The following PTPRD variants were observed in gnomAD, a reference collection of about 807,000 sequenced individuals.
PTPRD encodes protein tyrosine phosphatase receptor type D.
A neutral mutation model predicts 214.5 loss-of-function variants in PTPRD; 34 were observed. That is an observed-to-expected ratio of 0.16 (90% confidence interval 0.12 to 0.21). PTPRD has a LOEUF of 0.21. Ranked by LOEUF, PTPRD falls within the 10% of genes least tolerant of loss-of-function variation. PTPRD has a pLI of 1.00. For missense variants in PTPRD, 2,545 were observed against 2,398.7 expected, an observed-to-expected ratio of 1.06 and a Z score of -1.27; for synonymous variants, 1,128 against 845.7, an observed-to-expected ratio of 1.33 and a Z score of -5.79.
intron 14 of PTPRD, among the ~76,000 whole-genome samples, chr9:8,545,601 G>T (rs552728043): frequency 1.3e-5 from 2 of 152,280 alleles, no homozygotes; most frequent in East Asian, 3.9e-4. Flanking sequence ...CTGTTTTACA[G>T]TCAAAGTCAT....
intron 10 of PTPRD, among the ~76,000 whole-genome samples, chr9:9,080,420 A>T (rs371579675): frequency 6.6e-6 from 1 of 152,164 alleles, no homozygotes; most frequent in Non-Finnish European, 1.5e-5. Context: ...GCTTGCTACT[A>T]CTATGTGCCA....
intron 34 of PTPRD, among the ~76,000 whole-genome samples, chr9:8,443,450 T>C (rs1472601288): frequency 6.6e-6 from 1 of 152,232 alleles, no homozygotes; most frequent in African/African-American, 2.4e-5. Context: ...CAGACATTTC[T>C]GCTGCTGATA....
At chr9:9,464,258 C>A (rs112636652) in intron 8 of PTPRD, among the ~76,000 whole-genome samples, 4,085 of 152,124 alleles carry the variant, frequency 0.027, 179 homozygotes, top group African/African-American at 0.092. Context: ...ACATCGTATC[C>A]AATAGGTAAT....
chr9:10,008,276 A>C (rs1264455308), intron 4 of PTPRD, among the ~76,000 whole-genome samples: 3 of 151,870 alleles, frequency 2.0e-5, no homozygotes, highest in Admixed American at 6.6e-5. Flanking sequence ...AAGTTGAACC[A>C]AAACCAGCCC....
At chr9:10,523,674 GAGAGAGAA>G (rs2053303413) in intron 2 of PTPRD, among the ~76,000 whole-genome samples, 1 of 146,880 alleles carries the variant, frequency 6.8e-6, no homozygotes, top group East Asian at 2.0e-4. Flanking sequence ...GAGAGAGAGA[GAGAGAGAA>G]AGCGGCTCTA....
rs184560418 is a variant in PTPRD at position 8,372,479 on chromosome 9, C to T, written c.4661+3457G>A. Among the ~76,000 whole-genome samples the T allele has an allele frequency of 1.8e-3, 276 of 151,980 alleles. 1 individual carries two copies. Among genetic ancestry groups the T allele is most frequent in the Admixed American group, 3.1e-3 (48 of 15,258 alleles). On this transcript the variant is annotated intron_variant, in intron 39 of 45. Transcript: ENST00000381196. ...TTATCCCATTTTACAGGTGAAGAAACAGAGATTAAATAATTTGTCCAAAGG... is the reference window on the plus strand; with the variant it reads ...TTATCCCATTTTACAGGTGAAGAAATAGAGATTAAATAATTTGTCCAAAGG...
intron 12 of PTPRD, among the ~76,000 whole-genome samples, chr9:8,651,849 C>G (rs1422078183): frequency 6.6e-6 from 1 of 152,150 alleles, no homozygotes; most frequent in African/African-American, 2.4e-5. Flanking sequence ...TTGGATAACA[C>G]TTGGCACTAT....
At chr9:9,859,142 C>T (rs1307087246) in intron 5 of PTPRD, among the ~76,000 whole-genome samples, 2 of 152,188 alleles carry the variant, frequency 1.3e-5, no homozygotes, top group Admixed American at 6.5e-5. Context: ...TCTCTCTCTT[C>T]TACTGCCTTG....
chr9:10,085,088 G>C (rs114725976), intron 3 of PTPRD, among the ~76,000 whole-genome samples: 1 of 151,672 alleles, frequency 6.6e-6, no homozygotes, highest in Non-Finnish European at 1.5e-5. Context: ...CATTAGGAAT[G>C]GTTACAAAAT....
chr9:10,219,970 A>G (rs987951200), intron 3 of PTPRD, among the ~76,000 whole-genome samples: 5 of 151,856 alleles, frequency 3.3e-5, no homozygotes, highest in East Asian at 1.9e-4. Context: ...TATGATTTCT[A>G]TAATTTAATA....
At position 9,543,066 on chromosome 9, in the gene PTPRD, A is replaced by G. The variant is rs2077977657; in HGVS notation, c.-237+31666T>C. 2.0e-5 allele frequency among the ~76,000 whole-genome samples: 3 copies of G among 151,880 alleles called. No homozygotes were observed. In the South Asian group the frequency reaches 6.2e-4, roughly 31 times the overall value. ...AATTGAAAACAATGCAAGTGCTCAT[A>G]TACATGGAAATAAACAAATTGTGGT... On this transcript the variant is annotated intron_variant, in intron 8 of 45. Coordinates refer to ENST00000381196, the MANE Select transcript of PTPRD (RefSeq NM_002839.4).
intron 4 of PTPRD, among the ~76,000 whole-genome samples, chr9:9,945,618 G>C (rs952032987): frequency 2.0e-5 from 3 of 152,134 alleles, no homozygotes; most frequent in African/African-American, 7.2e-5. Context: ...GAGCTCATGG[G>C]TGACCATGAC....
intron 2 of PTPRD, among the ~76,000 whole-genome samples, chr9:10,437,926 T>G (rs1185874842): frequency 6.7e-6 from 1 of 149,428 alleles, no homozygotes; most frequent in East Asian, 2.0e-4. Context: ...ACCTATTCTG[T>G]GTTTCAAAAA....
At chr9:9,321,639 G>T (rs994828911) in intron 9 of PTPRD, among the ~76,000 whole-genome samples, 3 of 151,728 alleles carry the variant, frequency 2.0e-5, no homozygotes, top group Admixed American at 1.3e-4. Context: ...AGAAGTTATA[G>T]TAATTAAAAT....
intron 11 of PTPRD, among the ~76,000 whole-genome samples, chr9:8,746,451 GAA>G (rs2092819878): frequency 6.6e-6 from 1 of 152,090 alleles, no homozygotes; most frequent in Non-Finnish European, 1.5e-5. Context: ...CACTCCTTTA[GAA>G]AATATATTTG....
At chr9:9,400,136 T>C (rs1455238626) in intron 8 of PTPRD, among the ~76,000 whole-genome samples, 1 of 142,654 alleles carries the variant, frequency 7.0e-6, no homozygotes, top group East Asian at 2.1e-4. Flanking sequence ...GATGAGTAAA[T>C]AGAAAAATAT....
intron 3 of PTPRD, among the ~76,000 whole-genome samples, chr9:10,238,794 A>C (rs1258926310): frequency 6.6e-6 from 1 of 151,994 alleles, no homozygotes; most frequent in Non-Finnish European, 1.5e-5. Flanking sequence ...AGTTGGGATA[A>C]TTGAATAATG....
chr9:8,979,929 A>G (rs1242367295), intron 11 of PTPRD, among the ~76,000 whole-genome samples: 1 of 152,064 alleles, frequency 6.6e-6, no homozygotes, highest in East Asian at 1.9e-4. Context: ...CACTGCAGTA[A>G]TATTCATAGT....
At chr9:8,715,840 G>A (rs1315062210) in intron 12 of PTPRD, among the ~76,000 whole-genome samples, 2 of 152,200 alleles carry the variant, frequency 1.3e-5, no homozygotes, top group Admixed American at 6.5e-5. Flanking sequence ...TTAAAGTTTA[G>A]CACCAAATGT....
Sources: allele counts gnomAD v4.1 joint callset (sites outside exome capture counted in the v4.1 genomes callset), GRCh38; gene constraint gnomAD v4.1.1; transcripts MANE v1.5; gene names NCBI Gene and HGNC (gene_info 2026-07-23, HGNC 2026-07-21).